The following SLCO3A1 variants were observed in gnomAD, a reference collection of about 807,000 sequenced individuals.
The protein encoded by SLCO3A1 is solute carrier organic anion transporter family member 3A1.
Under a neutral mutation model 63.1 loss-of-function variants are expected in SLCO3A1, and 27 were observed. The observed-to-expected ratio is 0.43, with a 90% confidence interval of 0.32 to 0.59. The LOEUF (loss-of-function observed/expected upper bound fraction) is 0.59, where lower values mean the gene tolerates loss of function less well. Among genes scored for constraint, SLCO3A1 ranks in the 20% least tolerant of loss-of-function variants. SLCO3A1 has a pLI of 0.09. For missense variants in SLCO3A1, 773 were observed against 945.8 expected, an observed-to-expected ratio of 0.82 and a Z score of 2.40; for synonymous variants, 473 against 409.9, an observed-to-expected ratio of 1.15 and a Z score of -1.86.
intron 7 of SLCO3A1, among the ~76,000 whole-genome samples, chr15:92,144,893 A>G (rs535232260): frequency 2.6e-5 from 4 of 152,176 alleles, no homozygotes; most frequent in South Asian, 2.1e-4. Flanking sequence ...TAAATTTGGG[A>G]GAGATGTGAT....
intron 2 of SLCO3A1, among the ~76,000 whole-genome samples, chr15:91,964,561 G>A (rs779650072): frequency 5.9e-5 from 9 of 151,760 alleles, no homozygotes; most frequent in Non-Finnish European, 1.0e-4. Flanking sequence ...TATGCTTGTC[G>A]GCATCAAGCA....
chr15:91,974,558 G>T (rs1298116700), intron 2 of SLCO3A1, among the ~76,000 whole-genome samples: 1 of 151,990 alleles, frequency 6.6e-6, no homozygotes, highest in African/African-American at 2.4e-5. Context: ...GGAGGTAAAA[G>T]GTGCCAGCGG....
downstream of SLCO3A1, among the ~76,000 whole-genome samples, chr15:92,167,848 A>C (rs554237730): frequency 9.8e-5 from 15 of 152,330 alleles, no homozygotes; most frequent in South Asian, 2.7e-3. Flanking sequence ...TTGGAAAGCA[A>C]AGATGGCCCT....
Position 91,860,447 on chromosome 15 carries a change from G to T in SLCO3A1, c.180+6359G>T, listed in dbSNP as rs1445221153. On this transcript the variant is annotated intron_variant, in intron 1 of 9. Transcript: ENST00000318445. The surrounding 1 kb of genome is among the most constrained non-coding windows in gnomAD (Gnocchi z 5.5). Reference sequence around the variant, plus strand: ...CATGTGATAGAGTACTTCTCATAGGGTACAGTATTCCACAGTTGCTTTAAC... The same window carrying T: ...CATGTGATAGAGTACTTCTCATAGGTTACAGTATTCCACAGTTGCTTTAAC... Among the ~76,000 whole-genome samples, 1 of 152,198 alleles carries T rather than the reference G, an allele frequency of 6.6e-6. No homozygotes were observed. The highest frequency in any genetic ancestry group is 2.4e-5 in the African/African-American group (1 of 41,446).
At chr15:92,087,640 T>G (rs1050675040) in intron 2 of SLCO3A1, among the ~76,000 whole-genome samples, 1 of 150,280 alleles carries the variant, frequency 6.7e-6, no homozygotes, top group African/African-American at 2.4e-5. Context: ...TGCCTCGGCC[T>G]CCTGAGTGCC....
rs571886777 is a variant in SLCO3A1, at chr15:91,997,811, G to A, written c.646+81353G>A. ...CTGAGATAGCTGATGAGCCATATGC[G>A]GAAGACTGAAACTGGACCCCTATCT... On this transcript the variant is annotated intron_variant, in intron 2 of 9. Transcript: ENST00000318445. 9.9e-5 allele frequency among the ~76,000 whole-genome samples: 15 copies of A among 152,072 alleles called. 1 individual carries two copies. The highest frequency in any genetic ancestry group is 6.3e-3 in the Middle Eastern group (2 of 316).
At chr15:92,119,392 AT>A (rs1220900233) in intron 4 of SLCO3A1, among the ~76,000 whole-genome samples, 5 of 151,992 alleles carry the variant, frequency 3.3e-5, no homozygotes, top group African/African-American at 1.2e-4. Context: ...CTCTGTCATT[AT>A]TTAAAGTGGT....
At chr15:92,055,717 C>A (rs1472067757) in intron 2 of SLCO3A1, among the ~76,000 whole-genome samples, 2 of 152,176 alleles carry the variant, frequency 1.3e-5, no homozygotes, top group East Asian at 3.9e-4. Flanking sequence ...CTCATCACCC[C>A]ACAGGCATCT....
At chr15:91,918,077 A>G (rs879455118) in intron 2 of SLCO3A1, among the ~76,000 whole-genome samples, 2 of 147,312 alleles carry the variant, frequency 1.4e-5, no homozygotes, top group African/African-American at 2.4e-5. Context: ...AGCCGTAGTC[A>G]CTGAACCCTC....
rs188552136 is a variant in SLCO3A1, at chr15:91,941,274, T to C, written c.646+24816T>C. 10 of 253,104 alleles carry C rather than the reference T, an allele frequency of 4.0e-5. 1 individual carries two copies. The highest frequency in any genetic ancestry group is 2.0e-4 in the African/African-American group (9 of 43,984). 15.7% of individuals were successfully genotyped at this position (253,104 alleles called of 1,614,324 possible). On this transcript the variant is annotated intron_variant, in intron 2 of 9. Coordinates refer to ENST00000318445, the MANE Select transcript of SLCO3A1 (RefSeq NM_013272.4). The surrounding 1 kb of genome is among the most constrained non-coding windows in gnomAD (Gnocchi z 4.4). ...GGGAATGTGAGCTGGTTTAGGTGTG[T>C]TGGGGCAGGGCGGGGCTCGGCTGGG...
intron 2 of SLCO3A1, among the ~76,000 whole-genome samples, chr15:92,065,070 TTTTG>T (rs35791741): frequency 2.6e-4 from 39 of 150,972 alleles, no homozygotes; most frequent in Admixed American, 7.3e-4. Flanking sequence ...TACCCACGTT[TTTTG>T]TTTGTTTGTT....
In SLCO3A1 at chr15:91,897,983, G is replaced by A. The variant is rs1165842629; in HGVS notation, c.181-18010G>A. Among the ~76,000 whole-genome samples the A allele has an allele frequency of 6.6e-6, 1 of 152,206 alleles. No individual in the cohort carries two copies. Among genetic ancestry groups the A allele is most frequent in the Non-Finnish European group, 1.5e-5 (1 of 68,034 alleles). On this transcript the variant is annotated intron_variant, in intron 1 of 9. Transcript: ENST00000318445. The surrounding 1 kb of genome is among the most constrained non-coding windows in gnomAD (Gnocchi z 4.7). ...ATATCATGAGATGCAGAAAGCAGGT[G>A]CTCATGGTTTGTTTCTGTTGTTCTT...
At chr15:91,976,870 AG>A (rs1304410311) in intron 2 of SLCO3A1, among the ~76,000 whole-genome samples, 1 of 152,120 alleles carries the variant, frequency 6.6e-6, no homozygotes, top group Non-Finnish European at 1.5e-5. Flanking sequence ...GAATATCACA[AG>A]GCAAAGGGAG....
intron 2 of SLCO3A1, among the ~76,000 whole-genome samples, chr15:91,953,854 G>C (rs1005258251): frequency 6.6e-6 from 1 of 152,140 alleles, no homozygotes; most frequent in African/African-American, 2.4e-5. Context: ...ACAGTGTCTT[G>C]TGTTGATTCG....
chr15:91,868,954 A>G (rs969382052), intron 1 of SLCO3A1, among the ~76,000 whole-genome samples: 4 of 152,254 alleles, frequency 2.6e-5, no homozygotes, highest in African/African-American at 4.8e-5. Context: ...TTATAAAACA[A>G]TACATATTCA....
intron 2 of SLCO3A1, among the ~76,000 whole-genome samples, chr15:92,016,260 A>G (rs545134429): frequency 2.4e-5 from 3 of 126,828 alleles, no homozygotes; most frequent in African/African-American, 9.8e-5. Flanking sequence ...TAGATTAGAT[A>G]GATAGATAGA....
At chr15:92,093,552 G>A (rs930924522) in intron 2 of SLCO3A1, among the ~76,000 whole-genome samples, 4 of 152,118 alleles carry the variant, frequency 2.6e-5, no homozygotes, top group Non-Finnish European at 4.4e-5. Flanking sequence ...TCCTTTGCCC[G>A]GTATTTAAAA....
At chr15:91,980,623 G>T (rs1017980806) in intron 2 of SLCO3A1, among the ~76,000 whole-genome samples, 1 of 152,008 alleles carries the variant, frequency 6.6e-6, no homozygotes, top group Non-Finnish European at 1.5e-5. Context: ...CATAAGAAGC[G>T]TAGCCCTGGC....
chr15:91,857,441 C>T (rs1896953666), intron 1 of SLCO3A1, among the ~76,000 whole-genome samples: 1 of 152,172 alleles, frequency 6.6e-6, no homozygotes, highest in Non-Finnish European at 1.5e-5. Flanking sequence ...CTGGCTATGA[C>T]ATAATTTTTG....
Sources: gnomAD v4.1 joint callset for allele counts (sites outside exome capture counted in the v4.1 genomes callset) on GRCh38, gnomAD v4.1.1 for gene constraint, Gnocchi (gnomAD v3.1) non-coding constraint, MANE v1.5 for transcripts, NCBI Gene and HGNC (gene_info 2026-07-23, HGNC 2026-07-21) for gene names.